Variants in XKR6 observed in about 807,000 individuals in gnomAD.
The protein encoded by XKR6 is XK-related protein 6.
XKR6 carries 22 observed loss-of-function variants against 56.7 expected under a neutral mutation model. That is an observed-to-expected ratio of 0.39 (90% CI 0.28 to 0.55). The LOEUF (loss-of-function observed/expected upper bound fraction) is 0.55, where lower values mean the gene tolerates loss of function less well. Among genes scored for constraint, XKR6 ranks in the 20% least tolerant of loss-of-function variants. The pLI is 0.66. For missense variants in XKR6, 852 were observed against 889.0 expected, an observed-to-expected ratio of 0.96 and a Z score of 0.53; for synonymous variants, 524 against 387.8, an observed-to-expected ratio of 1.35 and a Z score of -4.13.
chr8:11,185,633 G>A (rs1489299221), intron 1 of XKR6, among the ~76,000 whole-genome samples: 2 of 152,142 alleles, frequency 1.3e-5, no homozygotes, highest in Non-Finnish European at 2.9e-5. Flanking sequence ...CTCCAATGAT[G>A]GGACATGATT....
At chr8:11,025,589 AAC>A (rs1302119773) in intron 1 of XKR6, among the ~76,000 whole-genome samples, 1 of 152,202 alleles carries the variant, frequency 6.6e-6, no homozygotes, top group Non-Finnish European at 1.5e-5. Flanking sequence ...GAAAGAAGTG[AAC>A]ACAAATTGCT....
chr8:11,147,949 C>T (rs139169551), intron 1 of XKR6, among the ~76,000 whole-genome samples: 151 of 152,216 alleles, frequency 9.9e-4, no homozygotes, highest in African/African-American at 3.5e-3. Context: ...GTGGCTTACA[C>T]CTGTAATCCC....
intron 1 of XKR6, among the ~76,000 whole-genome samples, chr8:11,085,119 C>A (rs1797843226): frequency 6.6e-6 from 1 of 152,146 alleles, no homozygotes; most frequent in African/African-American, 2.4e-5. Flanking sequence ...CTCTGCAGCA[C>A]TCCCTGGCCT....
chr8:11,093,341 C>T (rs1225304321), intron 1 of XKR6, among the ~76,000 whole-genome samples: 2 of 152,228 alleles, frequency 1.3e-5, no homozygotes, highest in African/African-American at 4.8e-5. Context: ...AGGAGTGAGC[C>T]ACCACGCCCA....
At chr8:11,186,737 G>C (rs1481405903) in intron 1 of XKR6, among the ~76,000 whole-genome samples, 1 of 152,092 alleles carries the variant, frequency 6.6e-6, no homozygotes, top group African/African-American at 2.4e-5. Flanking sequence ...TCCTTTCTCT[G>C]ACTGAATGCT....
intron 1 of XKR6, among the ~76,000 whole-genome samples, chr8:10,926,930 T>C (rs1210324643): frequency 6.6e-6 from 1 of 151,766 alleles, no homozygotes; most frequent in Non-Finnish European, 1.5e-5. Flanking sequence ...CCCAGAGAGA[T>C]AGAGGCAGAG....
intron 1 of XKR6, among the ~76,000 whole-genome samples, chr8:10,997,646 G>C (rs545280348): frequency 6.6e-6 from 1 of 152,200 alleles, no homozygotes; most frequent in Non-Finnish European, 1.5e-5. Flanking sequence ...TGCAGGAGGC[G>C]TGTGGAAATG....
intron 1 of XKR6, among the ~76,000 whole-genome samples, chr8:10,959,582 G>T (rs1211682603): frequency 3.3e-5 from 5 of 152,108 alleles, no homozygotes; most frequent in African/African-American, 1.2e-4. Flanking sequence ...GAGGGAACAA[G>T]CTTGCTGGTG....
intron 1 of XKR6, among the ~76,000 whole-genome samples, chr8:11,139,948 C>G (rs922287553): frequency 6.6e-6 from 1 of 151,994 alleles, no homozygotes; most frequent in Non-Finnish European, 1.5e-5. Context: ...TGATACAAGC[C>G]ATGAACGAAG....
chr8:11,007,610 G>A (rs958820379), intron 1 of XKR6, among the ~76,000 whole-genome samples: 1 of 152,184 alleles, frequency 6.6e-6, no homozygotes, highest in Non-Finnish European at 1.5e-5. Flanking sequence ...AGGCAGACTG[G>A]AGGAGTCAGC....
At chr8:10,965,752 C>T (rs1802203436) in intron 1 of XKR6, among the ~76,000 whole-genome samples, 1 of 152,218 alleles carries the variant, frequency 6.6e-6, no homozygotes, top group African/African-American at 2.4e-5. Context: ...TTAACTCTTA[C>T]TCCGCACAAA....
chr8:10,957,467 C>T (rs1280801206), intron 1 of XKR6, among the ~76,000 whole-genome samples: 1 of 152,186 alleles, frequency 6.6e-6, no homozygotes, highest in African/African-American at 2.4e-5. Context: ...CCATGGTGTG[C>T]CCCTCTCCCC....
intron 1 of XKR6, among the ~76,000 whole-genome samples, chr8:11,056,813 C>T (rs1395857177): frequency 6.6e-6 from 1 of 152,232 alleles, no homozygotes; most frequent in African/African-American, 2.4e-5. Context: ...TGCCTTCCTG[C>T]TCCTCCCGTC....
chr8:11,109,837 C>G (rs889910980), intron 1 of XKR6: 4 of 152,126 alleles, frequency 2.6e-5, no homozygotes, highest in African/African-American at 7.2e-5. Context: ...AGAGGAAACA[C>G]CTCTACTGAC....
intron 1 of XKR6, among the ~76,000 whole-genome samples, chr8:10,976,309 G>C (rs1435253486): frequency 6.6e-6 from 1 of 152,168 alleles, no homozygotes; most frequent in African/African-American, 2.4e-5. Context: ...CCCCAGCAGG[G>C]TCCTCCTTCC....
In XKR6 at chr8:11,178,467, G is replaced by C. The variant is rs190244881; in HGVS notation, c.764+22109C>G. Among the ~76,000 whole-genome samples the C allele has an allele frequency of 4.1e-3, 616 of 148,858 alleles. 3 individuals are homozygous for C. The highest frequency in any genetic ancestry group is 0.012 in the Admixed American group (183 of 14,886). ...CATGCACATTGAGGTTCAAAATAAA[G>C]GACACCAAATGTCCTAACCATGGAG... On this transcript the variant is annotated intron_variant, in intron 1 of 2. Coordinates refer to ENST00000416569, the MANE Select transcript of XKR6 (RefSeq NM_173683.4).
At chr8:11,194,633 C>T (rs1803768833) in intron 1 of XKR6, 1 of 152,652 alleles carries the variant, frequency 6.6e-6, no homozygotes, top group South Asian at 2.1e-4. Context: ...AAAATGGCAA[C>T]ATCAGAGACA....
At chr8:11,036,243 C>T (rs902981097) in intron 1 of XKR6, among the ~76,000 whole-genome samples, 1 of 152,180 alleles carries the variant, frequency 6.6e-6, no homozygotes, top group African/African-American at 2.4e-5. Flanking sequence ...CCATCACACC[C>T]AGCCTGGAAG....
At chr8:11,000,351 T>A (rs1798209808) in intron 1 of XKR6, among the ~76,000 whole-genome samples, 1 of 152,160 alleles carries the variant, frequency 6.6e-6, no homozygotes, top group Non-Finnish European at 1.5e-5. Flanking sequence ...CATCATAATA[T>A]GTTGTTTTCT....
Sources: gnomAD v4.1 joint callset for allele counts (sites outside exome capture counted in the v4.1 genomes callset) on GRCh38, gnomAD v4.1.1 for gene constraint, MANE v1.5 for transcripts, NCBI Gene and HGNC (gene_info 2026-07-23, HGNC 2026-07-21) for gene names.